The following SIK2 variants were observed in gnomAD, a reference collection of about 807,000 sequenced individuals.
SIK2 encodes serine/threonine-protein kinase SIK2.
A neutral mutation model predicts 103.2 loss-of-function variants in SIK2; 29 were observed. The observed-to-expected ratio is 0.28, with a 90% CI of 0.21 to 0.38. SIK2 has a LOEUF of 0.38. Ranked by LOEUF, SIK2 falls within the 10% of genes least tolerant of loss-of-function variation. The pLI is 1.00. For missense variants in SIK2, 879 were observed against 1,171.0 expected, an observed-to-expected ratio of 0.75 and a Z score of 3.64; for synonymous variants, 412 against 446.1, an observed-to-expected ratio of 0.92 and a Z score of 0.96.
intron 3 of SIK2, among the ~76,000 whole-genome samples, chr11:111,664,575 C>T (rs1942509920): frequency 6.6e-6 from 1 of 152,182 alleles, no homozygotes; most frequent in African/African-American, 2.4e-5. Context: ...AAGATCGCGC[C>T]ACTGCACTGC....
In SIK2 at chr11:111,725,156, G is replaced by C. The variant is rs1943927545; in HGVS notation, c.*1027G>C. ...AATGAACTTTTCTGTCCCATGTGAA[G>C]TGGTAGTGCGGTGCCTTTCCCCCAG... On this transcript the variant is annotated 3_prime_UTR_variant, in exon 15 of 15. Coordinates refer to ENST00000304987, the MANE Select transcript of SIK2 (RefSeq NM_015191.3). 1.3e-5 allele frequency: 2 copies of C among 152,690 alleles called. No homozygotes were observed. The highest frequency in any genetic ancestry group is 4.8e-5 in the African/African-American group (2 of 41,460). The allele number at this position is 152,690 out of a possible 1,614,324, so 9.5% of individuals were successfully genotyped here.
chr11:111,722,491 G>A lies in SIK2; in HGVS notation c.2056-174G>A, dbSNP rs191218342. ...AGTAGGTGAGGTCAGAGATGGCCCA[G>A]GCCTGCGGGCCCGATGCTCTTTCAG... is the stretch of plus-strand genomic sequence containing the variant. On this transcript the variant is annotated intron_variant, in intron 13 of 14. Transcript: ENST00000304987. This position sits in a 1 kb window ranked among gnomAD's most constrained non-coding sequence, Gnocchi z 4.4. Among the ~76,000 whole-genome samples, 1 of 152,346 alleles carries A rather than the reference G, an allele frequency of 6.6e-6. No individual in the cohort carries two copies. Among genetic ancestry groups the A allele is most frequent in the Admixed American group, 6.5e-5 (1 of 15,304 alleles).
At chr11:111,655,835 A>G (rs1473574046) in intron 3 of SIK2, among the ~76,000 whole-genome samples, 1 of 152,170 alleles carries the variant, frequency 6.6e-6, no homozygotes, top group African/African-American at 2.4e-5. Context: ...TCTCTAGTAC[A>G]TGGCAGAATG....
In SIK2 at chr11:111,684,132, C is replaced by T. The variant is rs192987876; in HGVS notation, c.317-3869C>T. 5.2e-3 allele frequency among the ~76,000 whole-genome samples: 787 copies of T among 152,306 alleles called. 24 individuals are homozygous for T. Among genetic ancestry groups the T allele is most frequent in the Admixed American group, 0.047 (722 of 15,298 alleles). ...CTGATAGGTGATGATTCTGTCTTTACATGGTAACTTTAGATTCAGATATAC... is the reference window on the plus strand; with the variant it reads ...CTGATAGGTGATGATTCTGTCTTTATATGGTAACTTTAGATTCAGATATAC... On this transcript the variant is annotated intron_variant, in intron 3 of 14. Transcript: ENST00000304987.
chr11:111,719,019 C>A (rs1943725036), intron 9 of SIK2, among the ~76,000 whole-genome samples: 1 of 152,132 alleles, frequency 6.6e-6, no homozygotes, highest in African/African-American at 2.4e-5. Context: ...CTGCGCTCAC[C>A]CCTGTGGGAT....
Position 111,703,389 on chromosome 11 carries a change from A to G in SIK2, c.914A>G (p.His305Arg). 1 of 1,613,948 alleles carries G rather than the reference A, an allele frequency of 6.2e-7. No homozygotes were observed. Among genetic ancestry groups the G allele is most frequent in the Admixed American group, 1.7e-5 (1 of 60,010 alleles). The stretch of plus-strand genomic sequence containing the variant: ...AATGAGCAGGTTCTGCGACTGATGC[A>G]CAGCCTTGGAATAGATCAGCAGAAA... Reference protein sequence around the residue: ...EFNEQVLRLMHSLGIDQQKTI... With the variant: ...EFNEQVLRLMRSLGIDQQKTI... Residue 305 changes from histidine to arginine, a missense_variant, in exon 7 of 15, where the codon CAC becomes CGC. His to Arg is a conservative substitution (Grantham distance 29, BLOSUM62 0). Coordinates refer to ENST00000304987, the MANE Select transcript of SIK2 (RefSeq NM_015191.3).
At chr11:111,616,465 T>G (rs1565309682) in intron 2 of SIK2, 106 bp downstream of exon 2, 1 of 706,952 alleles carries the variant, frequency 1.4e-6, no homozygotes, top group South Asian at 1.8e-5. Flanking sequence ...TGAAAGAAAA[T>G]AAATGTATGC....
chr11:111,603,031 C>G (rs528585248), intron 1 of SIK2, among the ~76,000 whole-genome samples: 2 of 144,074 alleles, frequency 1.4e-5, no homozygotes, highest in South Asian at 5.0e-4. Flanking sequence ...GCCTCCGCTC[C>G]GGAGCCCAAG....
intron 3 of SIK2, among the ~76,000 whole-genome samples, chr11:111,660,759 A>G (rs1180528937): frequency 6.6e-6 from 1 of 151,306 alleles, no homozygotes; most frequent in South Asian, 2.1e-4. Context: ...TGACTGTACC[A>G]TGTGAGATTA....
intron 2 of SIK2, among the ~76,000 whole-genome samples, chr11:111,617,586 G>A (rs1424448362): frequency 6.6e-6 from 1 of 152,114 alleles, no homozygotes; most frequent in African/African-American, 2.4e-5. Context: ...ACAGAAACTG[G>A]CTTACAAATC....
intron 3 of SIK2, among the ~76,000 whole-genome samples, chr11:111,674,112 T>TTATG (rs1942667270): frequency 6.9e-6 from 1 of 145,406 alleles, no homozygotes; most frequent in Non-Finnish European, 1.5e-5. Flanking sequence ...AGCTTAGAGG[T>TTATG]TATGTAGTTA....
chr11:111,630,910 A>G (rs1942029025), intron 3 of SIK2, among the ~76,000 whole-genome samples: 1 of 152,138 alleles, frequency 6.6e-6, no homozygotes, highest in South Asian at 2.1e-4. Flanking sequence ...ATTGAGGGGT[A>G]ATAGGGTCTA....
At chr11:111,666,111 A>G (rs999794884) in intron 3 of SIK2, among the ~76,000 whole-genome samples, 1 of 152,220 alleles carries the variant, frequency 6.6e-6, no homozygotes, top group Non-Finnish European at 1.5e-5. Context: ...TCCAAGTTTA[A>G]AAGGCTGCCA....
Position 111,725,349 on chromosome 11 carries a change from C to CAAAG in SIK2, c.*1227_*1230dup, listed in dbSNP as rs148246535. 3 of 152,738 alleles carry CAAAG rather than the reference C, an allele frequency of 2.0e-5. No individual in the cohort carries two copies. Among genetic ancestry groups the CAAAG allele is most frequent in the African/African-American group, 7.2e-5 (3 of 41,550 alleles). The allele number at this position is 152,738 out of a possible 1,614,324, so 9.5% of individuals were successfully genotyped here. On this transcript the variant is annotated 3_prime_UTR_variant, in exon 15 of 15. Coordinates refer to ENST00000304987, the MANE Select transcript of SIK2 (RefSeq NM_015191.3). ...AATGTTCAAGTATTACAGCAATATT[C>CAAAG]AAAGAAAGAACCACAGATGTGTTAA...
Position 111,703,341 on chromosome 11 carries a change from A to G in SIK2, c.866A>G (p.Asn289Ser), listed in dbSNP as rs961356623. ...GTTCTCTATCCACAAGAGCAAGAAA[A>G]TGAGCCATCCATCGGGGAGTTTAAT... The part of the protein sequence containing the change: ...RPVLYPQEQE[N>S]EPSIGEFNEQ... Residue 289 changes from asparagine to serine, a missense_variant, in exon 7 of 15, where the codon AAT (asparagine) becomes AGT (serine). Asn to Ser is a conservative substitution (Grantham distance 46). Coordinates refer to ENST00000304987, the MANE Select transcript of SIK2 (RefSeq NM_015191.3). 6.2e-7 allele frequency: 1 copy of G among 1,614,078 alleles called. No individual in the cohort carries two copies. Among genetic ancestry groups the G allele is most frequent in the Non-Finnish European group, 8.5e-7 (1 of 1,180,010 alleles).
chr11:111,712,913 C>A (rs1472115560), intron 9 of SIK2, among the ~76,000 whole-genome samples: 1 of 152,134 alleles, frequency 6.6e-6, no homozygotes, highest in African/African-American at 2.4e-5. Context: ...GCCTGTAATC[C>A]CAGCACTTTG....
intron 3 of SIK2, among the ~76,000 whole-genome samples, chr11:111,648,587 T>C (rs1340836476): frequency 6.6e-6 from 1 of 151,964 alleles, no homozygotes; most frequent in Non-Finnish European, 1.5e-5. Flanking sequence ...TAGCATATAA[T>C]ATGGGCTCCT....
At position 111,720,654 on chromosome 11, in the gene SIK2, A is replaced by G. The variant is rs1943772456; in HGVS notation, c.1672A>G (p.Thr558Ala). 4.3e-6 allele frequency: 7 copies of G among 1,613,898 alleles called. No individual in the cohort carries two copies. The South Asian group carries it at 5.5e-5, about 13-fold the overall frequency. Residue 558 changes from threonine (T) to alanine (A), a missense_variant, in exon 11 of 15, where the codon ACC (threonine) becomes GCC (alanine). Around this residue, in one of 7 missense-constraint regions of SIK2, gnomAD observed 222 missense variants for 258.0 expected, o/e 0.86. Transcript: ENST00000304987. ...ATCTCCCTTCATAAGCCTGAGACCT[A>G]CCAACCCAGCCATGCAGGCTCTGAG... The part of the protein sequence containing the change: ...MTSPFISLRP[T>A]NPAMQALSSQ...
At chr11:111,672,357 GC>G in intron 3 of SIK2, 1 of 532,152 alleles carries the variant, frequency 1.9e-6, no homozygotes, top group Non-Finnish European at 3.0e-6. Flanking sequence ...AGGCCAAGGG[GC>G]CAGAGGTGGA....
Sources: gnomAD v4.1 joint callset for allele counts (sites outside exome capture counted in the v4.1 genomes callset) on GRCh38, gnomAD v4.1.1 for gene constraint, gnomAD v4.1.1 regional missense constraint, Gnocchi (gnomAD v3.1) non-coding constraint, MANE v1.5 for transcripts, NCBI Gene and HGNC (gene_info 2026-07-23, HGNC 2026-07-21) for gene names.